FANCG: variants seen among roughly 807,000 people sequenced by gnomAD.
The protein encoded by FANCG is Fanconi anemia group G protein.
FANCG carries 67 observed loss-of-function variants against 73.3 expected under a neutral mutation model. The ratio of observed to expected loss-of-function variants is 0.91; its 90% CI spans 0.75 to 1.12. The LOEUF is 1.12. Ranked by LOEUF, FANCG falls within the 50% of genes most tolerant of loss-of-function variation. FANCG has a pLI of 0.00. For missense variants in FANCG, 643 were observed against 735.6 expected (o/e 0.87, Z 1.46); for synonymous variants, 297 against 311.6 (o/e 0.95, Z 0.49).
At position 35,079,881 on chromosome 9, in the gene FANCG, C is replaced by T; in HGVS notation, c.-357G>A. ...AAGCCGGGGTCGTGTCTGACTGGGG[C>T]AGTCGCACGGCCGGCGGTGCGGCCC... On this transcript the variant is annotated 5_prime_UTR_variant, in exon 1 of 14. Transcript: ENST00000378643. 2.3e-6 allele frequency: 1 copy of T among 425,938 alleles called. No individual in the cohort carries two copies. The highest frequency in any genetic ancestry group is 4.4e-6 in the Non-Finnish European group (1 of 226,432). 26.4% of individuals were successfully genotyped at this position (425,938 alleles called of 1,614,324 possible).
Position 35,074,930 on chromosome 9 carries a change from G to C in FANCG, c.1633C>G (p.Pro545Ala), listed in dbSNP as rs1315654777. Residue 545 changes from proline (P) to alanine (A), a missense_variant, in exon 12 of 14, where the codon CCA (proline) becomes GCA (alanine). Physicochemically the swap from Pro to Ala is conservative, Grantham distance 27 (BLOSUM62 -1). Transcript: ENST00000378643. ...GACGTCATGCAAGTATACATACCTG[G>C]GCACATCTGCACACTGAGGAGGAAG... ...QDFLLSVQMC[P>A]GNRDTYFHLL... The C allele has an allele frequency of 1.9e-6, 3 of 1,614,134 alleles. No individual in the cohort carries two copies. The highest frequency in any genetic ancestry group is 2.5e-6 in the Non-Finnish European group (3 of 1,180,016).
At position 35,079,781 on chromosome 9, in the gene FANCG, C is replaced by G. The variant is rs1587145425; in HGVS notation, c.-257G>C. On this transcript the variant is annotated 5_prime_UTR_variant, in exon 1 of 14. Transcript: ENST00000378643. The stretch of plus-strand genomic sequence containing the variant: ...GAAGCTCTGGGCTGCGGTTGGTCCT[C>G]TTGAAGAGTTAGTTCCCGCGGGAAA... 1.8e-6 allele frequency: 1 copy of G among 555,870 alleles called. No individual in the cohort carries two copies. Among genetic ancestry groups the G allele is most frequent in the East Asian group, 3.1e-5 (1 of 32,728 alleles). The allele number at this position is 555,870 out of a possible 1,614,324, so 34.4% of individuals were successfully genotyped here.
At chr9:35,078,464 C>A in intron 3 of FANCG, 121 bp from the exon 4 acceptor site, 1 of 1,521,188 alleles carries the variant, frequency 6.6e-7, no homozygotes, top group Admixed American at 1.8e-5. Flanking sequence ...ATAATAATAC[C>A]TCAACCTGGT....
In FANCG at chr9:35,077,005, A is replaced by G. The variant is rs1221668009; in HGVS notation, c.743T>C (p.Val248Ala). Residue 248 changes from valine (V) to alanine (A), a missense_variant, in exon 6 of 14, where the codon GTG (valine) becomes GCG (alanine). By Grantham distance (64) the Val-to-Ala change is moderately conservative. Transcript: ENST00000378643. ...GLCPRPVLVQVYTALGSCHRK... is the reference protein window; with the variant it reads ...GLCPRPVLVQAYTALGSCHRK... ...GTGACAGGACCCCAGTGCTGTGTACACCTGGACCAACACAGGCCGTGGACA... is the reference window on the plus strand; with the variant it reads ...GTGACAGGACCCCAGTGCTGTGTACGCCTGGACCAACACAGGCCGTGGACA... The G allele has an allele frequency of 1.9e-6, 3 of 1,614,250 alleles. No individual in the cohort carries two copies. Among genetic ancestry groups the G allele is most frequent in the East Asian group, 4.5e-5 (2 of 44,886 alleles).
In FANCG at chr9:35,079,652, C is replaced by A; in HGVS notation, c.-128G>T. ...CACCCCGCCGAGCTCCCCTGCTTCT[C>A]TCGGGGTCCCAATCCACCCGCCCAG... On this transcript the variant is annotated 5_prime_UTR_variant, in exon 1 of 14. Transcript: ENST00000378643. The A allele has an allele frequency of 1.1e-6, 1 of 898,624 alleles. No homozygotes were observed. The highest frequency in any genetic ancestry group is 1.4e-5 in the South Asian group (1 of 73,924). The allele number at this position is 898,624 out of a possible 1,614,324, so 55.7% of individuals were successfully genotyped here.
Position 35,079,622 on chromosome 9 carries a change from T to G in FANCG, c.-98A>C. 8.2e-7 allele frequency: 1 copy of G among 1,218,372 alleles called. No individual in the cohort carries two copies. Among genetic ancestry groups the G allele is most frequent in the Non-Finnish European group, 1.2e-6 (1 of 828,504 alleles). The allele number at this position is 1,218,372 out of a possible 1,614,324, so 75.5% of individuals were successfully genotyped here. On this transcript the variant is annotated 5_prime_UTR_variant, in exon 1 of 14. Coordinates refer to ENST00000378643, the MANE Select transcript of FANCG (RefSeq NM_004629.2). ...CCCCAGCGGGGAGGGGCCTGGGCAC[T>G]TCTGCACCCCGCCGAGCTCCCCTGC...
intron 4 of FANCG, 44 bp downstream of exon 4, chr9:35,078,097 A>G: frequency 6.4e-6 from 10 of 1,557,274 alleles, no homozygotes; most frequent in Admixed American, 1.7e-5. Context: ...AAGGAGGAGG[A>G]AGGAAGGAGG....
Position 35,074,950 on chromosome 9 carries a change from AGGAAGTCCT to A in FANCG, c.1604_1612del (p.Gln535_Phe537del). ...ACCTGGGCACATCTGCACACTGAGG[AGGAAGTCCT>A]GTAAGGCTTTGGTATCCTGGCCGCT... is the stretch of plus-strand genomic sequence containing the variant. On this transcript the variant is annotated inframe_deletion, in exon 12 of 14. Coordinates refer to ENST00000378643, the MANE Select transcript of FANCG (RefSeq NM_004629.2). The A allele has an allele frequency of 6.2e-7, 1 of 1,614,210 alleles. No individual in the cohort carries two copies. Among genetic ancestry groups the A allele is most frequent in the African/African-American group, 1.3e-5 (1 of 75,058 alleles).
In FANCG at chr9:35,077,331, A is replaced by T; in HGVS notation, c.579T>A (p.Ala193=). 2 of 1,614,158 alleles carry T rather than the reference A, an allele frequency of 1.2e-6. No individual in the cohort carries two copies. Among genetic ancestry groups the T allele is most frequent in the Non-Finnish European group, 1.7e-6 (2 of 1,180,014 alleles). Residue 193 remains alanine (A), a synonymous_variant, in exon 5 of 14, where the codon GCT becomes GCA. Coordinates refer to ENST00000378643, the MANE Select transcript of FANCG (RefSeq NM_004629.2). ...TWSPPAEELD[A]PLTLQDAQGL... is the part of the protein sequence containing the mutation. The stretch of plus-strand genomic sequence containing the variant: ...CCTGGGCATCCTGCAGGGTCAATGG[A>T]GCATCTAATTCCTCAGCTGGGGGAC...
rs1587145512 is a variant in FANCG, at chr9:35,079,867, G to C, written c.-343C>G. ...CTTAGGCGGGCTAGAAGCCGGGGTC[G>C]TGTCTGACTGGGGCAGTCGCACGGC... On this transcript the variant is annotated 5_prime_UTR_variant, in exon 1 of 14. Coordinates refer to ENST00000378643, the MANE Select transcript of FANCG (RefSeq NM_004629.2). 1 of 441,444 alleles carries C rather than the reference G, an allele frequency of 2.3e-6. No homozygotes were observed. Among genetic ancestry groups the C allele is most frequent in the Non-Finnish European group, 4.3e-6 (1 of 234,694 alleles). The allele number at this position is 441,444 out of a possible 1,614,324, so 27.3% of individuals were successfully genotyped here.
At position 35,075,544 on chromosome 9, in the gene FANCG, C is replaced by G; in HGVS notation, c.1354G>C (p.Val452Leu). 6.2e-7 allele frequency: 1 copy of G among 1,614,148 alleles called. No individual in the cohort carries two copies. The highest frequency in any genetic ancestry group is 8.5e-7 in the Non-Finnish European group (1 of 1,180,024). ...TKELPYCPLW[V>L]SATHLLQGQA... is the part of the protein sequence containing the mutation. ...CCCTGAAGCAGGTGGGTGGCAGAGA[C>G]CCAGAGTGGGCAGTATGGCAGTTCC... Residue 452 changes from valine to leucine, a missense_variant, in exon 10 of 14, where the codon GTC becomes CTC. By Grantham distance (32) the Val-to-Leu change is conservative (BLOSUM62 1). Coordinates refer to ENST00000378643, the MANE Select transcript of FANCG (RefSeq NM_004629.2).
At chr9:35,078,051 G>T (rs1587143258) in intron 4 of FANCG, 90 bp downstream of exon 4, 1 of 1,289,436 alleles carries the variant, frequency 7.8e-7, no homozygotes, top group Non-Finnish European at 1.1e-6. Flanking sequence ...CCAGCCGCCT[G>T]TCCAGTACAT....
In FANCG at chr9:35,074,139, C is replaced by T. The variant is rs748634605; in HGVS notation, c.1838G>A (p.Arg613Gln). Residue 613 changes from arginine to glutamine, a missense_variant, in exon 14 of 14, where the codon CGG becomes CAG. Transcript: ENST00000378643. ...SDRDAFLEEF[R>Q]TSLPKSCDL ...GTCACAAGACTTTGGCAGAGATGTC[C>T]GAAATTCTTCAAGGAAGGCGTCACG... 4.3e-6 allele frequency: 7 copies of T among 1,614,110 alleles called. No homozygotes were observed. The highest frequency in any genetic ancestry group is 5.1e-6 in the Non-Finnish European group (6 of 1,180,022).
rs375136403 is a variant in FANCG, at chr9:35,079,564, G to C, written c.-40C>G. 19 of 1,606,966 alleles carry C rather than the reference G, an allele frequency of 1.2e-5. No homozygotes were observed. The African/African-American group carries it at 2.4e-4, about 20-fold the overall frequency. On this transcript the variant is annotated 5_prime_UTR_variant, in exon 1 of 14. Coordinates refer to ENST00000378643, the MANE Select transcript of FANCG (RefSeq NM_004629.2). ...GGCCCGGAGACCAGAAGCGGACTTAGGAAGGGTGAAGCTGGCCTGCCCAAG... is the reference window on the plus strand; with the variant it reads ...GGCCCGGAGACCAGAAGCGGACTTACGAAGGGTGAAGCTGGCCTGCCCAAG...
chr9:35,076,880 T>C lies in FANCG; in HGVS notation c.778-10A>G, dbSNP rs756245763. 2 of 1,614,060 alleles carry C rather than the reference T, an allele frequency of 1.2e-6. No homozygotes were observed. The highest frequency in any genetic ancestry group is 1.3e-5 in the African/African-American group (1 of 74,922). On this transcript the variant is annotated splice_polypyrimidine_tract_variant and intron_variant, in intron 6 of 13. Coordinates refer to ENST00000378643, the MANE Select transcript of FANCG (RefSeq NM_004629.2). ...CTCTCTGTGGATTTCCCTAAAGGGA[T>C]AGGAGGACACGGGCCTCAGCTACCC...
At position 35,079,545 on chromosome 9, in the gene FANCG, G is replaced by A. The variant is rs1186360293; in HGVS notation, c.-21C>T. The A allele has an allele frequency of 5.0e-6, 8 of 1,613,266 alleles. No homozygotes were observed. Among genetic ancestry groups the A allele is most frequent in the Non-Finnish European group, 5.9e-6 (7 of 1,179,616 alleles). On this transcript the variant is annotated 5_prime_UTR_variant, in exon 1 of 14. Coordinates refer to ENST00000378643, the MANE Select transcript of FANCG (RefSeq NM_004629.2). ...GACATGGTGGCCGAGGCTGGGCCCG[G>A]AGACCAGAAGCGGACTTAGGAAGGG...
Position 35,074,054 on chromosome 9 carries a change from CCA to C in FANCG, c.*52_*53del, listed in dbSNP as rs1453526066. On this transcript the variant is annotated 3_prime_UTR_variant, in exon 14 of 14. Transcript: ENST00000378643. The stretch of plus-strand genomic sequence containing the variant: ...ATGATGGTGAAGCAGAAAGCCCTCC[CCA>C]CAGAGAGACAGCCCACTGGGGACCC... The C allele has an allele frequency of 1.5e-6, 2 of 1,301,014 alleles. No individual in the cohort carries two copies. The highest frequency in any genetic ancestry group is 1.7e-5 in the Admixed American group (1 of 59,576). The allele number at this position is 1,301,014 out of a possible 1,614,324, so 80.6% of individuals were successfully genotyped here. A position where few individuals can be genotyped will look rare whatever the true frequency, so the allele number is the denominator to read the frequency against.
At chr9:35,078,368 G>C (rs1375631473) in intron 3 of FANCG, 25 bp from the exon 4 acceptor site, 4 of 1,604,244 alleles carry the variant, frequency 2.5e-6, no homozygotes, top group Non-Finnish European at 3.4e-6. Flanking sequence ...CACACACATA[G>C]ACACACACAC....
chr9:35,075,043 G>A lies in FANCG; in HGVS notation c.1520C>T (p.Ala507Val), dbSNP rs138395184. The A allele has an allele frequency of 1.1e-5, 17 of 1,614,024 alleles. No individual in the cohort carries two copies. Among genetic ancestry groups the A allele is most frequent in the African/African-American group, 8.0e-5 (6 of 74,920 alleles). Residue 507 changes from alanine to valine, a missense_variant, in exon 12 of 14, where the codon GCG becomes GTG. Coordinates refer to ENST00000378643, the MANE Select transcript of FANCG (RefSeq NM_004629.2). ...FNCEQGCKSD[A>V]ALQQLRAAAL... is the part of the protein sequence containing the mutation. ...GGCTGCCCGAAGCTGCTGCAGTGCCGCATCTGACTTACATCCCTGCTCACA... is the reference window on the plus strand; with the variant it reads ...GGCTGCCCGAAGCTGCTGCAGTGCCACATCTGACTTACATCCCTGCTCACA...
Sources: allele counts gnomAD v4.1 joint callset, GRCh38; gene constraint gnomAD v4.1.1; transcripts MANE v1.5; gene names NCBI Gene and HGNC (gene_info 2026-07-23, HGNC 2026-07-21).